Variants in STPG2 observed in about 807,000 individuals in gnomAD.
STPG2 encodes sperm tail PG-rich repeat containing 2, also known as sperm-tail PG-rich repeat-containing protein 2.
Under a neutral mutation model 54.2 loss-of-function variants are expected in STPG2, and 56 were observed. The ratio of observed to expected loss-of-function variants is 1.03; its 90% CI spans 0.83 to 1.29. STPG2 has a LOEUF of 1.29. Ranked by LOEUF, STPG2 falls within the 50% of genes most tolerant of loss-of-function variation. STPG2 has a pLI of 0.00. For synonymous variants in STPG2, 200 were observed against 181.8 expected (o/e 1.10, Z -0.81); for missense variants, 596 against 544.9 (o/e 1.09, Z -0.93).
intron 10 of STPG2, among the ~76,000 whole-genome samples, chr4:97,675,322 G>C (rs1456197612): frequency 6.6e-6 from 1 of 152,052 alleles, no homozygotes; most frequent in Non-Finnish European, 1.5e-5. Flanking sequence ...CATTCTCCAA[G>C]ATTTCTATGA....
chr4:97,929,376 C>T (rs1732454339), intron 8 of STPG2, among the ~76,000 whole-genome samples: 2 of 151,910 alleles, frequency 1.3e-5, no homozygotes, highest in Non-Finnish European at 2.9e-5. Flanking sequence ...ATTTATATTC[C>T]TTTGGGAATA....
At chr4:97,568,253 G>A (rs1201326894) in intron 10 of STPG2, among the ~76,000 whole-genome samples, 5 of 152,126 alleles carry the variant, frequency 3.3e-5, no homozygotes, top group African/African-American at 4.8e-5. Flanking sequence ...CTTTTTCACA[G>A]ATATATTGGG....
chr4:97,762,958 A>C (rs922972704), intron 9 of STPG2, among the ~76,000 whole-genome samples: 28 of 152,194 alleles, frequency 1.8e-4, no homozygotes, highest in Admixed American at 2.0e-4. Context: ...AATATAAAAT[A>C]ATCTACGTTA....
chr4:97,490,421 T>C (rs940928072), intron 4 of STPG2, among the ~76,000 whole-genome samples: 1 of 151,572 alleles, frequency 6.6e-6, no homozygotes, highest in Non-Finnish European at 1.5e-5. Context: ...TGCCATTACT[T>C]ATATTCTACT....
chr4:97,918,437 A>G (rs937948371), intron 8 of STPG2, among the ~76,000 whole-genome samples: 1 of 152,150 alleles, frequency 6.6e-6, no homozygotes, highest in Non-Finnish European at 1.5e-5. Context: ...ATGGGTCATT[A>G]CTTTCACACA....
intron 9 of STPG2, among the ~76,000 whole-genome samples, chr4:97,820,961 C>T (rs910269412): frequency 6.6e-6 from 1 of 152,050 alleles, no homozygotes; most frequent in African/African-American, 2.4e-5. Flanking sequence ...GCCCTCTGCC[C>T]CCCAAATCTC....
rs201205703 is a variant in STPG2 at position 98,103,770 on chromosome 4, C to G, written c.612+2183G>C. On this transcript the variant is annotated intron_variant, in intron 5 of 10. Transcript: ENST00000295268. Reference sequence around the variant, plus strand: ...TCCTACTTCACTAATTATCTCTCCTCTAGCTCTTCTATCATGCCTCACTCT... The same window carrying G: ...TCCTACTTCACTAATTATCTCTCCTGTAGCTCTTCTATCATGCCTCACTCT... Among the ~76,000 whole-genome samples, 84 of 152,204 alleles carry G rather than the reference C, an allele frequency of 5.5e-4. No homozygotes were observed. In the East Asian group the frequency reaches 0.013, roughly 24 times the overall value.
chr4:97,889,562 C>T, intron 8 of STPG2, among the ~76,000 whole-genome samples: 1 of 151,962 alleles, frequency 6.6e-6, no homozygotes, highest in Non-Finnish European at 1.5e-5. Flanking sequence ...ATAAGCCAGG[C>T]AGAGAAATAC....
intron 4 of STPG2, among the ~76,000 whole-genome samples, chr4:97,467,978 G>C (rs1729829749): frequency 6.6e-6 from 1 of 151,506 alleles, no homozygotes; most frequent in Non-Finnish European, 1.5e-5. Context: ...AAGAGAGTAA[G>C]TTGATAGGAA....
chr4:97,730,745 G>C (rs777602774), intron 9 of STPG2, among the ~76,000 whole-genome samples: 1 of 152,028 alleles, frequency 6.6e-6, no homozygotes, highest in Admixed American at 6.6e-5. Context: ...TGACTGGATT[G>C]ATTCAAAGAA....
chr4:97,499,088 G>A (rs191405111), intron 4 of STPG2, among the ~76,000 whole-genome samples: 10 of 152,014 alleles, frequency 6.6e-5, no homozygotes, highest in African/African-American at 2.2e-4. Context: ...GGAAAATCAG[G>A]ATAAGTCTAA....
At chr4:97,784,416 G>T (rs6814058) in intron 9 of STPG2, among the ~76,000 whole-genome samples, 6,123 of 151,888 alleles carry the variant, frequency 0.04, 408 homozygotes, top group African/African-American at 0.14. Context: ...CACTATTAGA[G>T]ATCTGAATAT....
intron 5 of STPG2, among the ~76,000 whole-genome samples, chr4:98,086,574 T>C (rs544202515): frequency 1.4e-4 from 21 of 148,294 alleles, no homozygotes; most frequent in Non-Finnish European, 2.7e-4. Context: ...TCTCACTACC[T>C]GAATCCAAAT....
chr4:98,023,842 G>T (rs1021396645), intron 5 of STPG2, among the ~76,000 whole-genome samples: 12 of 152,188 alleles, frequency 7.9e-5, no homozygotes, highest in African/African-American at 2.9e-4. Context: ...CCATGTGCAG[G>T]ATATAATCTC....
rs549996643 is a variant in STPG2 at position 97,812,500 on chromosome 4, T to C, written c.1204+28273A>G. On this transcript the variant is annotated intron_variant, in intron 9 of 10. Coordinates refer to ENST00000295268, the MANE Select transcript of STPG2 (RefSeq NM_174952.3). ...ATATCTAAGAGGCTTTTCATACTTA[T>C]TTTGTATAATGAATTGAAATAATTT... Among the ~76,000 whole-genome samples the C allele has an allele frequency of 9.8e-5, 15 of 152,286 alleles. No individual in the cohort carries two copies. The South Asian group carries it at 3.1e-3, about 32-fold the overall frequency.
At chr4:97,589,792 A>G (rs1034466704) in intron 10 of STPG2, among the ~76,000 whole-genome samples, 1 of 152,116 alleles carries the variant, frequency 6.6e-6, no homozygotes, top group Non-Finnish European at 1.5e-5. Flanking sequence ...AATCTTTTAT[A>G]CTGTAGTTCT....
In STPG2 at chr4:98,024,700, T is replaced by C. The variant is rs113672017; in HGVS notation, c.613-43382A>G. 5.9e-3 allele frequency among the ~76,000 whole-genome samples: 896 copies of C among 152,324 alleles called. 6 individuals carry two copies. Among genetic ancestry groups the C allele is most frequent in the Middle Eastern group, 0.02 (6 of 294 alleles). On this transcript the variant is annotated intron_variant, in intron 5 of 10. Coordinates refer to ENST00000295268, the MANE Select transcript of STPG2 (RefSeq NM_174952.3). The stretch of plus-strand genomic sequence containing the variant: ...TTGTAAACATATGCCACTGATATTA[T>C]ATAACATTTGATAGCATCATTTCAT...
chr4:97,798,059 C>T (rs1350932431), intron 9 of STPG2, among the ~76,000 whole-genome samples: 1 of 152,066 alleles, frequency 6.6e-6, no homozygotes, highest in African/African-American at 2.4e-5. Context: ...TTTATTGCAT[C>T]TATTTGATTC....
chr4:97,619,700 A>T (rs1733961803), intron 10 of STPG2, among the ~76,000 whole-genome samples: 1 of 152,062 alleles, frequency 6.6e-6, no homozygotes, highest in Non-Finnish European at 1.5e-5. Flanking sequence ...GCCGTCTGTT[A>T]GTCATTCCAA....
Sources: gnomAD v4.1 joint callset for allele counts (sites outside exome capture counted in the v4.1 genomes callset) on GRCh38, gnomAD v4.1.1 for gene constraint, MANE v1.5 for transcripts, NCBI Gene and HGNC (gene_info 2026-07-23, HGNC 2026-07-21) for gene names.